The following ERCC2 variants were observed in gnomAD, a reference collection of about 807,000 sequenced individuals.
The protein encoded by ERCC2 is general transcription and DNA repair factor IIH helicase subunit XPD.
Under a neutral mutation model 99.4 loss-of-function variants are expected in ERCC2, and 90 were observed. That is an observed-to-expected ratio of 0.91 (90% CI 0.76 to 1.08). The LOEUF (loss-of-function observed/expected upper bound fraction) is 1.08. Among genes scored for constraint, ERCC2 ranks in the 50% least tolerant of loss-of-function variants. The probability of loss-of-function intolerance (pLI) is 0.00; values close to 1 mark genes in which losing one functional copy is unlikely to be tolerated. For synonymous variants in ERCC2, 497 were observed against 432.4 expected (o/e 1.15, Z -1.85); for missense variants, 993 against 1,038.1 (o/e 0.96, Z 0.60).
chr19:45,365,761 AC>A (rs1972405604), intron 5 of ERCC2, among the ~76,000 whole-genome samples: 1 of 148,904 alleles, frequency 6.7e-6, no homozygotes, highest in African/African-American at 2.5e-5. Context: ...ACTGTACTCC[AC>A]CCTGGGCCAC....
chr19:45,353,437 A>G, intron 17 of ERCC2, 103 bp from the exon 18 acceptor site: 1 of 777,972 alleles, frequency 1.3e-6, no homozygotes, highest in Non-Finnish European at 2.2e-6. Flanking sequence ...TCTGGGCCTC[A>G]GCTGGCTCAT....
rs762743220 is a variant in ERCC2, at chr19:45,368,700, T to A, written c.290A>T (p.Gln97Leu). 39 of 1,613,988 alleles carry A rather than the reference T, an allele frequency of 2.4e-5. No homozygotes were observed. Among genetic ancestry groups the A allele is most frequent in the Admixed American group, 5.0e-5 (3 of 59,976 alleles). The change falls in exon 5 of 23, where the codon CAG (glutamine) becomes CTG (leucine). Residue 97 changes from glutamine (Q) to leucine (L), a missense_variant. Around this residue, in one of 3 missense-constraint regions of ERCC2, gnomAD observed 909 missense variants for 930.8 expected, o/e 0.98. Transcript: ENST00000391945. ...CAGAAACGGCAGCTTCTCGCCCTCC[T>A]GCTTCTCATAGAAGTTGAGCAACTT... ...LRKLLNFYEK[Q>L]EGEKLPFLGL...
chr19:45,357,295 A>G lies in ERCC2; in HGVS notation c.1454T>C (p.Leu485Pro), dbSNP rs121913025. The change falls in exon 15 of 23, where the codon CTG becomes CCG. Residue 485 changes from leucine to proline, a missense_variant. Leu to Pro is a moderately conservative substitution (Grantham distance 98). Around this residue, in one of 3 missense-constraint regions of ERCC2, gnomAD observed 909 missense variants for 930.8 expected, o/e 0.98. Transcript: ENST00000391945. ...CATAGGGCAGAGGCAGACCCGTGCC[A>G]GCGTCATGGTGAAGGTTGCCATGGT... Reference protein sequence around the residue: ...PVTMATFTMTLARVCLCPMII... With the variant: ...PVTMATFTMTPARVCLCPMII... 2.5e-6 allele frequency: 4 copies of G among 1,613,916 alleles called. No individual in the cohort carries two copies. The highest frequency in any genetic ancestry group is 2.5e-6 in the Non-Finnish European group (3 of 1,179,830).
rs764495135 is a variant in ERCC2 at position 45,361,524 on chromosome 19, C to T, written c.1237G>A (p.Gly413Ser). 4.3e-6 allele frequency: 7 copies of T among 1,610,626 alleles called. No homozygotes were observed. Among genetic ancestry groups the T allele is most frequent in the Non-Finnish European group, 5.1e-6 (6 of 1,176,936 alleles). The change falls in exon 12 of 23, where the codon GGC becomes AGC. Residue 413 changes from glycine to serine, a missense_variant and splice_region_variant. Physicochemically the swap from Gly to Ser is moderately conservative, Grantham distance 56 (BLOSUM62 0). Transcript: ENST00000391945. ...CAGGGACAGAAAAAGGTGAGCTTAC[C>T]TTTGGCGTAGGTGCTGACAAGGGTG... The part of the protein sequence containing the change: ...FATLVSTYAK[G>S]FTIIIEPFDD...
intron 2 of ERCC2, among the ~76,000 whole-genome samples, chr19:45,369,679 T>C (rs1055164520): frequency 1.2e-4 from 18 of 152,148 alleles, no homozygotes; most frequent in Non-Finnish European, 2.2e-4. Flanking sequence ...TAGTGAACTT[T>C]TCTCCCTTCT....
intron 21 of ERCC2, 66 bp from the exon 22 acceptor site, chr19:45,352,418 G>A (rs750429609): frequency 1.9e-6 from 3 of 1,613,670 alleles, no homozygotes; most frequent in Non-Finnish European, 1.7e-6. Context: ...TCTCCACCCT[G>A]CAACCCACCC....
chr19:45,352,954 G>A (rs1012817469), intron 19 of ERCC2, 129 bp downstream of exon 19: 1 of 1,224,810 alleles, frequency 8.2e-7, no homozygotes, highest in Non-Finnish European at 1.2e-6. Flanking sequence ...GGACAGAGGG[G>A]AGGGGAGGGC....
chr19:45,358,959 T>C, intron 12 of ERCC2: 1 of 744,556 alleles, frequency 1.3e-6, no homozygotes, highest in South Asian at 1.4e-5. Flanking sequence ...CATATTCGGT[T>C]TCACACAGTG....
At chr19:45,367,900 CTT>C (rs762407391) in intron 5 of ERCC2, among the ~76,000 whole-genome samples, 17 of 134,126 alleles carry the variant, frequency 1.3e-4, no homozygotes, top group Admixed American at 3.8e-4. Context: ...ATGACAATTT[CTT>C]TTTTTTTTTT....
At chr19:45,362,865 C>T (rs1400118277) in intron 11 of ERCC2, among the ~76,000 whole-genome samples, 1 of 152,238 alleles carries the variant, frequency 6.6e-6, no homozygotes, top group Non-Finnish European at 1.5e-5. Context: ...AACTACCGGG[C>T]ACAGTGCTGT....
At chr19:45,363,001 G>C (rs1405199729) in intron 11 of ERCC2, among the ~76,000 whole-genome samples, 2 of 152,148 alleles carry the variant, frequency 1.3e-5, no homozygotes, top group African/African-American at 4.8e-5. Flanking sequence ...TAGTGCTCAG[G>C]GCAGGGTAGG....
chr19:45,370,109 G>A (rs753110109), intron 2 of ERCC2, 24 bp downstream of exon 2: 22 of 1,610,938 alleles, frequency 1.4e-5, no homozygotes, highest in Admixed American at 1.7e-5. Context: ...TCGAGTGGGC[G>A]GGTCGGGCCC....
chr19:45,352,981 G>T, intron 19 of ERCC2, 102 bp downstream of exon 19: 1 of 1,349,286 alleles, frequency 7.4e-7, no homozygotes, highest in Non-Finnish European at 1.1e-6. Flanking sequence ...GTGCACCTAG[G>T]CTGGGGGTGG....
At position 45,365,131 on chromosome 19, in the gene ERCC2, C is replaced by T. The variant is rs1265794840; in HGVS notation, c.388G>A (p.Val130Ile). 2.5e-6 allele frequency: 4 copies of T among 1,614,194 alleles called. No individual in the cohort carries two copies. The highest frequency in any genetic ancestry group is 1.1e-5 in the South Asian group (1 of 91,090). ...EVTPLRFGKDVDGKCHSLTAS... is the reference protein window; with the variant it reads ...EVTPLRFGKDIDGKCHSLTAS... ...GTGAGGCTGTGGCATTTCCCATCGA[C>T]GTCCTTCCCAAAGCGCAGGGGTGTC... is the stretch of plus-strand genomic sequence containing the variant. The change falls in exon 6 of 23, where the codon GTC becomes ATC. Residue 130 changes from valine to isoleucine, a missense_variant. By Grantham distance (29) the Val-to-Ile change is conservative. Transcript: ENST00000391945.
chr19:45,359,525 G>A (rs543110563), intron 12 of ERCC2, among the ~76,000 whole-genome samples: 1 of 152,304 alleles, frequency 6.6e-6, no homozygotes, highest in East Asian at 1.9e-4. Flanking sequence ...GGGAACACCG[G>A]CCCATAAAGC....
Position 45,352,482 on chromosome 19 carries a change from A to G in ERCC2, c.2046+24T>C, listed in dbSNP as rs146189753. The G allele has an allele frequency of 3.1e-3, 4,976 of 1,614,124 alleles. 14 individuals are homozygous for G. Among genetic ancestry groups the G allele is most frequent in the Middle Eastern group, 7.6e-3 (46 of 6,062 alleles). ...GGTTCTTGGAGCCTGGGATGGGAGC[A>G]CAGGGGCACCCCTGAAGCTGCACCT... On this transcript the variant is annotated intron_variant, in intron 21 of 22. Coordinates refer to ENST00000391945, the MANE Select transcript of ERCC2 (RefSeq NM_000400.4).
rs1186161377 is a variant in ERCC2 at position 45,351,440 on chromosome 19, C to T, written c.*189G>A. 9 of 1,586,282 alleles carry T rather than the reference C, an allele frequency of 5.7e-6. 1 individual carries two copies. The South Asian group carries it at 1.0e-4, about 18-fold the overall frequency. Reference sequence around the variant, plus strand: ...GGTGGGGTGAGAGGGGGTCTATCATCTCCTGGCCCCCCCTTGCCTCTGGGT... The same window carrying T: ...GGTGGGGTGAGAGGGGGTCTATCATTTCCTGGCCCCCCCTTGCCTCTGGGT... On this transcript the variant is annotated 3_prime_UTR_variant, in exon 23 of 23. Transcript: ENST00000391945.
intron 8 of ERCC2, 35 bp downstream of exon 8, chr19:45,364,389 G>A (rs1229628689): frequency 6.2e-7 from 1 of 1,613,900 alleles, no homozygotes; most frequent in Non-Finnish European, 8.5e-7. Flanking sequence ...ACTCAGAGGG[G>A]CTGGCATCCC....
At chr19:45,359,383 C>A (rs939836915) in intron 12 of ERCC2, among the ~76,000 whole-genome samples, 4 of 152,172 alleles carry the variant, frequency 2.6e-5, no homozygotes, top group African/African-American at 9.7e-5. Flanking sequence ...AGCCCCAGGG[C>A]AAGGGCCCAG....
Sources: allele counts gnomAD v4.1 joint callset (sites outside exome capture counted in the v4.1 genomes callset), GRCh38; gene constraint gnomAD v4.1.1; regional missense constraint gnomAD v4.1.1; transcripts MANE v1.5; gene names NCBI Gene and HGNC (gene_info 2026-07-23, HGNC 2026-07-21).